GREB1L: variants seen among roughly 807,000 people sequenced by gnomAD.
GREB1L encodes the protein GREB1-like protein.
In GREB1L, 17 loss-of-function variants were observed where a neutral mutation model predicts 200.8. That is an observed-to-expected ratio of 0.08 (90% CI 0.06 to 0.13). GREB1L has a LOEUF of 0.13. Among genes scored for constraint, GREB1L ranks in the 10% least tolerant of loss-of-function variants. The probability of loss-of-function intolerance (pLI) is 1.00; values close to 1 mark genes in which losing one functional copy is unlikely to be tolerated. For missense variants in GREB1L, 1,657 were observed against 2,367.7 expected (o/e 0.70, Z 6.23); for synonymous variants, 789 against 893.0 (o/e 0.88, Z 2.08).
intron 3 of GREB1L, among the ~76,000 whole-genome samples, chr18:21,383,961 G>A (rs534965814): frequency 2.1e-3 from 320 of 152,014 alleles, no homozygotes; most frequent in Non-Finnish European, 3.2e-3. Flanking sequence ...TGATCCGCCC[G>A]CCTCCGCCTC....
chr18:21,507,914 G>A lies in GREB1L; in HGVS notation c.4369-204G>A, dbSNP rs535810403. Among the ~76,000 whole-genome samples the A allele has an allele frequency of 8.5e-5, 13 of 152,284 alleles. No homozygotes were observed. In the East Asian group the frequency reaches 1.2e-3, roughly 14 times the overall value. On this transcript the variant is annotated intron_variant, in intron 25 of 32. Transcript: ENST00000424526. The stretch of plus-strand genomic sequence containing the variant: ...CACTGAGGCTATGCAGGTGCAAGAC[G>A]GCGGGCTGTCATGTCAGTGGCAGCT...
chr18:21,446,357 G>T (rs1338052168), intron 11 of GREB1L, among the ~76,000 whole-genome samples: 25 of 152,028 alleles, frequency 1.6e-4, no homozygotes, highest in Non-Finnish European at 1.5e-4. Flanking sequence ...TTTAAAATCG[G>T]AGTCTAATTT....
At chr18:21,454,022 C>A (rs2034643851) in intron 14 of GREB1L, among the ~76,000 whole-genome samples, 1 of 152,202 alleles carries the variant, frequency 6.6e-6, no homozygotes, top group South Asian at 2.1e-4. Flanking sequence ...GCTACCCTTT[C>A]CAGGGATGAG....
rs78065399 is a variant in GREB1L at position 21,490,212 on chromosome 18, C to T, written c.2891C>T (p.Ser964Leu). ...RGHMLIIRVP[S>L]VQLAMLAKER... ...CACATGCTCATTATCAGGGTGCCCT[C>T]GGTGCAGCTGGCGATGTTAGCCAAG... Residue 964 changes from serine (S) to leucine (L), a missense_variant, in exon 19 of 33, where the codon TCG becomes TTG. Transcript: ENST00000424526. The T allele has an allele frequency of 8.4e-4, 1,308 of 1,551,742 alleles. 14 individuals carry two copies. In the African/African-American group the frequency reaches 0.016, roughly 19 times the overall value.
At chr18:21,442,992 C>T (rs372256492) in intron 10 of GREB1L, among the ~76,000 whole-genome samples, 2 of 152,118 alleles carry the variant, frequency 1.3e-5, no homozygotes, top group African/African-American at 4.8e-5. Flanking sequence ...TCACTGCAAG[C>T]TCCGCCTCCT....
intron 5 of GREB1L, 75 bp from the exon 6 acceptor site, chr18:21,401,075 T>C: frequency 6.5e-6 from 8 of 1,232,696 alleles, no homozygotes; most frequent in African/African-American, 1.5e-5. Flanking sequence ...TGTGAATGTT[T>C]CTATGCTGTT....
rs78205247 is a variant in GREB1L, at chr18:21,508,043, C to G, written c.4369-75C>G. ...GTTAGTTTCCATCTCTTAATAACAACCTGAAGGAGTGGCCTGGAAGTTTGG... is the reference window on the plus strand; with the variant it reads ...GTTAGTTTCCATCTCTTAATAACAAGCTGAAGGAGTGGCCTGGAAGTTTGG... On this transcript the variant is annotated intron_variant, in intron 25 of 32. Transcript: ENST00000424526. 1.0e-3 allele frequency: 1,444 copies of G among 1,386,272 alleles called. 9 individuals carry two copies. In the African/African-American group the frequency reaches 0.018, roughly 17 times the overall value. 85.9% of individuals were successfully genotyped at this position (1,386,272 alleles called of 1,614,324 possible).
chr18:21,504,293 T>C (rs1291113900), intron 23 of GREB1L, among the ~76,000 whole-genome samples: 1 of 152,038 alleles, frequency 6.6e-6, no homozygotes. Flanking sequence ...CCCTGTGCTT[T>C]GGGAGGCCAA....
intron 1 of GREB1L, among the ~76,000 whole-genome samples, chr18:21,282,005 G>A (rs2038277599): frequency 6.6e-6 from 1 of 152,152 alleles, no homozygotes; most frequent in Admixed American, 6.5e-5. Flanking sequence ...AGGCACAGCA[G>A]CTCATGTCTG....
At chr18:21,331,716 G>T (rs1252230033) in intron 1 of GREB1L, among the ~76,000 whole-genome samples, 1 of 152,130 alleles carries the variant, frequency 6.6e-6, no homozygotes, top group African/African-American at 2.4e-5. Flanking sequence ...AATAATGTAG[G>T]TGATAACTTA....
At position 21,383,624 on chromosome 18, in the gene GREB1L, A is replaced by G. The variant is rs528043553; in HGVS notation, c.106A>G (p.Ile36Val). The change falls in exon 3 of 33, where the codon ATT (isoleucine) becomes GTT (valine). Residue 36 changes from isoleucine (I) to valine (V), a missense_variant. Transcript: ENST00000424526. ...ATGTAGTAGTGTGGTACCACGGCCAATTTTTTCCCAGCTATACCTGGACCC... is the reference window on the plus strand; with the variant it reads ...ATGTAGTAGTGTGGTACCACGGCCAGTTTTTTCCCAGCTATACCTGGACCC... ...LRCSSVVPRP[I>V]FSQLYLDPDQ... The G allele has an allele frequency of 2.8e-5, 44 of 1,551,076 alleles. No homozygotes were observed. The highest frequency in any genetic ancestry group is 5.5e-5 in the African/African-American group (4 of 73,038).
At chr18:21,280,876 T>A (rs2038257930) in intron 1 of GREB1L, among the ~76,000 whole-genome samples, 1 of 152,312 alleles carries the variant, frequency 6.6e-6, no homozygotes, top group East Asian at 1.9e-4. Flanking sequence ...GTTAAGCATT[T>A]CTCCTTGGAC....
At chr18:21,519,824 T>G (rs2037548932) in intron 31 of GREB1L, among the ~76,000 whole-genome samples, 1 of 152,188 alleles carries the variant, frequency 6.6e-6, no homozygotes, top group South Asian at 2.1e-4. Context: ...ATTCCACTGT[T>G]TTAACTCCCA....
At chr18:21,244,004 TGAAAG>T (rs2037554018) in intron 1 of GREB1L, among the ~76,000 whole-genome samples, 1 of 152,170 alleles carries the variant, frequency 6.6e-6, no homozygotes, top group African/African-American at 2.4e-5. Context: ...TTATAGATGA[TGAAAG>T]GGATTGAATA....
intron 7 of GREB1L, among the ~76,000 whole-genome samples, chr18:21,424,216 G>A (rs2032385276): frequency 6.6e-6 from 1 of 152,132 alleles, no homozygotes; most frequent in African/African-American, 2.4e-5. Context: ...TAATTATTGT[G>A]ATATTAGTCA....
intron 1 of GREB1L, among the ~76,000 whole-genome samples, chr18:21,286,665 G>GTAT (rs779958242): frequency 1.2e-4 from 18 of 152,052 alleles, no homozygotes; most frequent in Non-Finnish European, 7.4e-5. Context: ...ATCCCATGTG[G>GTAT]TATTATTATT....
At chr18:21,490,597 C>CA (rs35483127) in intron 19 of GREB1L, among the ~76,000 whole-genome samples, 74,136 of 151,824 alleles carry the variant, frequency 0.49, 21,574 homozygotes, top group Non-Finnish European at 0.66. Context: ...ACTGCAGGTG[C>CA]AAAAAAATGA....
At chr18:21,319,372 G>C (rs2038918185) in intron 1 of GREB1L, among the ~76,000 whole-genome samples, 1 of 152,158 alleles carries the variant, frequency 6.6e-6, no homozygotes, top group Admixed American at 6.5e-5. Flanking sequence ...CAAATTAAAA[G>C]GCTTTTCCTA....
At chr18:21,273,975 ATATTT>A (rs1191400603) in intron 1 of GREB1L, among the ~76,000 whole-genome samples, 2 of 152,246 alleles carry the variant, frequency 1.3e-5, no homozygotes, top group African/African-American at 4.8e-5. Flanking sequence ...CCATCATAAA[ATATTT>A]TAGAATAAGA....
Sources: gnomAD v4.1 joint callset for allele counts (sites outside exome capture counted in the v4.1 genomes callset) on GRCh38, gnomAD v4.1.1 for gene constraint, MANE v1.5 for transcripts, NCBI Gene and HGNC (gene_info 2026-07-23, HGNC 2026-07-21) for gene names.